KCNQ5: variants seen among roughly 807,000 people sequenced by gnomAD.
KCNQ5 encodes potassium voltage-gated channel subfamily Q member 5.
KCNQ5 carries 30 observed loss-of-function variants against 98.2 expected under a neutral mutation model. The observed-to-expected ratio is 0.31, with a 90% CI of 0.23 to 0.41. KCNQ5 has a LOEUF of 0.41. Ranked by LOEUF, KCNQ5 falls within the 10% of genes least tolerant of loss-of-function variation. KCNQ5 has a pLI of 1.00. For synonymous variants in KCNQ5, 458 were observed against 449.4 expected, an observed-to-expected ratio of 1.02 and a Z score of -0.24; for missense variants, 835 against 1,182.5, an observed-to-expected ratio of 0.71 and a Z score of 4.31.
At chr6:72,927,967 A>G (rs999761327) in intron 1 of KCNQ5, among the ~76,000 whole-genome samples, 1 of 152,044 alleles carries the variant, frequency 6.6e-6, no homozygotes, top group Admixed American at 6.6e-5. Context: ...AGGAAGAAAA[A>G]CATGTGATCC....
intron 1 of KCNQ5, among the ~76,000 whole-genome samples, chr6:72,623,051 G>A (rs1404784543): frequency 2.0e-5 from 3 of 152,112 alleles, no homozygotes; most frequent in Non-Finnish European, 4.4e-5. Flanking sequence ...TCGAGGGCTA[G>A]GTCCTCAGTC....
intron 1 of KCNQ5, among the ~76,000 whole-genome samples, chr6:72,891,407 A>G (rs569591760): frequency 6.6e-6 from 1 of 152,360 alleles, no homozygotes; most frequent in East Asian, 1.9e-4. Flanking sequence ...TTATCAATAT[A>G]TGAATGAAGA....
At chr6:73,140,938 C>A (rs1368042064) in intron 10 of KCNQ5, among the ~76,000 whole-genome samples, 1 of 152,162 alleles carries the variant, frequency 6.6e-6, no homozygotes, top group Admixed American at 6.5e-5. Flanking sequence ...GTACTCTTGT[C>A]CCCCTAAGAT....
At chr6:72,983,082 T>C (rs1467632272) in intron 1 of KCNQ5, among the ~76,000 whole-genome samples, 1 of 152,196 alleles carries the variant, frequency 6.6e-6, no homozygotes, top group Non-Finnish European at 1.5e-5. Context: ...AACCCGACCT[T>C]TCTCTCTGGC....
At chr6:72,656,400 C>A (rs912739015) in intron 1 of KCNQ5, among the ~76,000 whole-genome samples, 3 of 152,158 alleles carry the variant, frequency 2.0e-5, no homozygotes, top group Non-Finnish European at 2.9e-5. Context: ...CCATCAGGAG[C>A]AATTGGTATA....
chr6:73,153,288 C>T (rs994048351), intron 10 of KCNQ5, among the ~76,000 whole-genome samples: 2 of 152,096 alleles, frequency 1.3e-5, no homozygotes, highest in Non-Finnish European at 1.5e-5. Flanking sequence ...ATGTTGTTGT[C>T]ATCTCCTTTC....
At chr6:72,668,374 T>A (rs2154473225) in intron 1 of KCNQ5, among the ~76,000 whole-genome samples, 1 of 152,240 alleles carries the variant, frequency 6.6e-6, no homozygotes, top group Non-Finnish European at 1.5e-5. Context: ...CTTCAAACAA[T>A]TTACAGTTTG....
chr6:72,929,668 T>A (rs1036698920), intron 1 of KCNQ5, among the ~76,000 whole-genome samples: 6 of 152,116 alleles, frequency 3.9e-5, no homozygotes, highest in African/African-American at 1.4e-4. Context: ...GTACTCTAGT[T>A]TGAACCAGAA....
intron 1 of KCNQ5, among the ~76,000 whole-genome samples, chr6:72,655,032 CT>C (rs1211872974): frequency 1.2e-5 from 1 of 86,874 alleles, no homozygotes; most frequent in South Asian, 3.7e-4. Flanking sequence ...GTCTGTCTTT[CT>C]TTCTTTCTTT....
chr6:73,053,238 A>G (rs1431519600), intron 3 of KCNQ5, among the ~76,000 whole-genome samples: 3 of 152,238 alleles, frequency 2.0e-5, no homozygotes, highest in African/African-American at 7.2e-5. Flanking sequence ...GAGCACCCAA[A>G]TTCATAGAGC....
intron 1 of KCNQ5, among the ~76,000 whole-genome samples, chr6:72,781,250 G>T (rs573075081): frequency 2.0e-5 from 3 of 152,234 alleles, no homozygotes; most frequent in Admixed American, 1.3e-4. Flanking sequence ...GCCAAGGATT[G>T]CCAGGACCCA....
At chr6:72,809,917 G>A (rs1177229363) in intron 1 of KCNQ5, among the ~76,000 whole-genome samples, 1 of 152,148 alleles carries the variant, frequency 6.6e-6, no homozygotes, top group East Asian at 1.9e-4. Flanking sequence ...CTTCCAGGGA[G>A]CAGTTGCCAA....
intron 11 of KCNQ5, among the ~76,000 whole-genome samples, chr6:73,189,589 A>G (rs73753083): frequency 2.5e-4 from 38 of 152,310 alleles, no homozygotes; most frequent in African/African-American, 8.2e-4. Flanking sequence ...TACAAGTGTG[A>G]TAATGGAAGT....
chr6:73,004,244 T>G (rs868611389), intron 2 of KCNQ5, among the ~76,000 whole-genome samples: 1 of 152,230 alleles, frequency 6.6e-6, no homozygotes, highest in African/African-American at 2.4e-5. Flanking sequence ...ATATCATAAA[T>G]AGAAGGCAAT....
intron 1 of KCNQ5, among the ~76,000 whole-genome samples, chr6:72,811,462 CT>C (rs1775237285): frequency 6.6e-6 from 1 of 151,976 alleles, no homozygotes; most frequent in Non-Finnish European, 1.5e-5. Flanking sequence ...AATTATTTTT[CT>C]GTTTGTGGAT....
intron 2 of KCNQ5, among the ~76,000 whole-genome samples, chr6:73,020,910 G>A (rs560791040): frequency 6.7e-6 from 1 of 148,376 alleles, no homozygotes; most frequent in South Asian, 2.1e-4. Flanking sequence ...CCTTAAAGGT[G>A]CCCACACATG....
chr6:73,067,885 T>A (rs1366427891), intron 3 of KCNQ5, among the ~76,000 whole-genome samples: 1 of 676 alleles, frequency 1.5e-3, no homozygotes, highest in African/African-American at 1.9e-3. Flanking sequence ...TATATATATA[T>A]ATATATATAT....
rs76244834 is a variant in KCNQ5 at position 72,810,067 on chromosome 6, G to A, written c.398+187480G>A. Among the ~76,000 whole-genome samples the A allele has an allele frequency of 5.2e-3, 793 of 152,258 alleles. 6 individuals carry two copies. Among genetic ancestry groups the A allele is most frequent in the Non-Finnish European group, 9.2e-3 (624 of 68,014 alleles). ...TCATTATGTACTATGGGTAGTAAATGTTTACTACACAGTGGGCTCAAGCTA... is the reference window on the plus strand; with the variant it reads ...TCATTATGTACTATGGGTAGTAAATATTTACTACACAGTGGGCTCAAGCTA... On this transcript the variant is annotated intron_variant, in intron 1 of 13. Transcript: ENST00000370398.
chr6:73,151,723 T>C (rs1052968124), intron 10 of KCNQ5, among the ~76,000 whole-genome samples: 2 of 152,242 alleles, frequency 1.3e-5, no homozygotes, highest in Admixed American at 1.3e-4. Flanking sequence ...CTGAGCTGGC[T>C]GCTCTCTAAG....
Sources: allele counts gnomAD v4.1 joint callset (sites outside exome capture counted in the v4.1 genomes callset), GRCh38; gene constraint gnomAD v4.1.1; transcripts MANE v1.5; gene names NCBI Gene and HGNC (gene_info 2026-07-23, HGNC 2026-07-21).